ZBED6: variants seen among roughly 807,000 people sequenced by gnomAD.
ZBED6 encodes the protein zinc finger BED domain-containing protein 6.
In ZBED6, 40 loss-of-function variants were observed where a neutral mutation model predicts 58.4. That is an observed-to-expected ratio of 0.68 (90% CI 0.53 to 0.89). The LOEUF is 0.89. Among genes scored for constraint, ZBED6 ranks in the 40% least tolerant of loss-of-function variants. The pLI is 0.00. For missense variants in ZBED6, 1,057 were observed against 1,003.9 expected (o/e 1.05, Z -0.71); for synonymous variants, 439 against 350.6 (o/e 1.25, Z -2.82).
chr1:203,815,573 A>G (rs1036961365), intron 1 of ZBED6, among the ~76,000 whole-genome samples: 1 of 151,826 alleles, frequency 6.6e-6, no homozygotes, highest in Non-Finnish European at 1.5e-5. Context: ...TGTTACCTTT[A>G]ATACTTTTAC....
rs951577184 is a variant in ZBED6 at position 203,800,014 on chromosome 1, C to G, written c.2492C>G (p.Ser831Ter). 1.3e-6 allele frequency: 2 copies of G among 1,536,142 alleles called. No homozygotes were observed. The highest frequency in any genetic ancestry group is 1.7e-6 in the Non-Finnish European group (2 of 1,146,900). ...ACAGTGGGAGCTGATTCATTTACCT[C>G]ATCTCTAAAAGAAGGCACCTCCAGT... The change falls in exon 1 of 17, where the codon TCA becomes TGA. Residue 831 changes from serine to a stop codon, truncating the protein, a stop_gained. Transcript: ENST00000550078. LOFTEE classifies it high-confidence loss of function.
At chr1:203,848,514 A>G in intron 13 of ZBED6, 107 bp downstream of exon 13, 1 of 764,270 alleles carries the variant, frequency 1.3e-6, no homozygotes, top group Non-Finnish European at 2.1e-6. Context: ...TATATTAGGT[A>G]AACAGTCTTT....
chr1:203,847,061 T>A, intron 11 of ZBED6, 123 bp from the exon 12 acceptor site: 1 of 1,089,384 alleles, frequency 9.2e-7, no homozygotes, highest in Non-Finnish European at 1.3e-6. Context: ...CTTTTGATCC[T>A]TTTAATTGCC....
rs1398709488 is a variant in ZBED6 at position 203,819,021 on chromosome 1, A to G, written c.*2873+332A>G. ...GAGTTGGAGGTTGCAGTGAGCTGAG[A>G]TCGCACCACTGCACTCCAGCCTGGT... On this transcript the variant is annotated intron_variant, in intron 3 of 16. Transcript: ENST00000550078. Among the ~76,000 whole-genome samples, 4 of 150,816 alleles carry G rather than the reference A, an allele frequency of 2.7e-5. No homozygotes were observed. The East Asian group carries it at 6.0e-4, about 23-fold the overall frequency.
chr1:203,799,941 C>T, exon 1 of ZBED6: 3 of 1,536,140 alleles, frequency 2.0e-6, no homozygotes, highest in South Asian at 2.4e-5. Context: ...GGAATCTTCA[C>T]CAGAGATCTG....
chr1:203,823,868 T>G (rs1441156817), intron 3 of ZBED6, among the ~76,000 whole-genome samples: 2 of 152,176 alleles, frequency 1.3e-5, no homozygotes, highest in African/African-American at 2.4e-5. Context: ...GAGTGCCAGG[T>G]AGCTGTTAAC....
chr1:203,848,273 C>G, intron 12 of ZBED6, 58 bp from the exon 13 acceptor site: 1 of 1,399,896 alleles, frequency 7.1e-7, no homozygotes, highest in Non-Finnish European at 1.0e-6. Flanking sequence ...TTTAACATAT[C>G]TATCATGAAG....
intron 9 of ZBED6, among the ~76,000 whole-genome samples, chr1:203,837,516 T>C (rs1160777279): frequency 1.3e-5 from 2 of 151,862 alleles, no homozygotes; most frequent in African/African-American, 2.4e-5. Context: ...TGTAGTATTA[T>C]GATCATAGCT....
At chr1:203,846,517 A>G (rs1401949373) in intron 11 of ZBED6, among the ~76,000 whole-genome samples, 1 of 152,140 alleles carries the variant, frequency 6.6e-6, no homozygotes, top group Non-Finnish European at 1.5e-5. Context: ...CATTATACCT[A>G]CCTTATCAAA....
chr1:203,844,486 T>C (rs1431867548), intron 11 of ZBED6, among the ~76,000 whole-genome samples: 2 of 152,236 alleles, frequency 1.3e-5, no homozygotes, highest in African/African-American at 4.8e-5. Flanking sequence ...GGATTTCTAA[T>C]TCAAATCTTT....
intron 1 of ZBED6, among the ~76,000 whole-genome samples, chr1:203,808,324 T>C (rs1269566397): frequency 1.3e-5 from 2 of 152,222 alleles, no homozygotes; most frequent in African/African-American, 4.8e-5. Context: ...AGTCTGATTT[T>C]CTTTCCTTTG....
At chr1:203,821,914 C>T (rs556966151) in intron 3 of ZBED6, among the ~76,000 whole-genome samples, 5 of 152,122 alleles carry the variant, frequency 3.3e-5, no homozygotes, top group South Asian at 4.2e-4. Context: ...CCCGCCACCA[C>T]GCCCGGCTAA....
At chr1:203,824,274 TAAAA>T (rs5780199) in intron 3 of ZBED6, among the ~76,000 whole-genome samples, 1 of 139,978 alleles carries the variant, frequency 7.1e-6, no homozygotes, top group Non-Finnish European at 1.5e-5. Context: ...ATCTCAAAAT[TAAAA>T]AAAAAAAAAA....
intron 1 of ZBED6, among the ~76,000 whole-genome samples, chr1:203,811,927 C>T (rs1486492310): frequency 4.0e-5 from 6 of 151,450 alleles, no homozygotes; most frequent in Non-Finnish European, 4.4e-5. Flanking sequence ...GTGATTCTCA[C>T]ACCTCAGCCT....
rs764796461 is a variant in ZBED6, at chr1:203,852,125, C to G, written c.*4874-16C>G. ...TTTAAAACGGCAGTTTTCTAATAAT[C>G]TTTTTTTTCTTACAGTCTTGTGCTG... On this transcript the variant is annotated splice_polypyrimidine_tract_variant and intron_variant, in intron 16 of 16. Transcript: ENST00000550078. 1.2e-6 allele frequency: 2 copies of G among 1,612,422 alleles called. No individual in the cohort carries two copies. The highest frequency in any genetic ancestry group is 2.7e-5 in the African/African-American group (2 of 74,614).
chr1:203,803,372 G>T (rs1671115612), intron 1 of ZBED6, among the ~76,000 whole-genome samples: 1 of 151,786 alleles, frequency 6.6e-6, no homozygotes, highest in Admixed American at 6.6e-5. Flanking sequence ...TGTATTATTA[G>T]TGGAGATGAA....
exon 1 of ZBED6, chr1:203,800,853 C>G (rs1670354940): frequency 1.3e-5 from 2 of 155,432 alleles, no homozygotes; most frequent in South Asian, 4.1e-4. Context: ...AGTACACTGG[C>G]TGGCATTCCT....
intron 3 of ZBED6, among the ~76,000 whole-genome samples, chr1:203,824,316 T>C (rs1047785180): frequency 6.6e-6 from 1 of 152,046 alleles, no homozygotes; most frequent in Non-Finnish European, 1.5e-5. Flanking sequence ...ATATTTGTTT[T>C]TCACTTGCAT....
At chr1:203,810,236 A>T (rs1322621065) in intron 1 of ZBED6, among the ~76,000 whole-genome samples, 1 of 151,660 alleles carries the variant, frequency 6.6e-6, no homozygotes, top group African/African-American at 2.4e-5. Flanking sequence ...TTGGTCTCTC[A>T]AAGTGTTAGG....
Sources: gnomAD v4.1 joint callset for allele counts (sites outside exome capture counted in the v4.1 genomes callset) on GRCh38, gnomAD v4.1.1 for gene constraint, MANE v1.5 for transcripts, NCBI Gene and HGNC (gene_info 2026-07-23, HGNC 2026-07-21) for gene names.